The following CLASP1 variants were observed in gnomAD, a reference collection of about 807,000 sequenced individuals.
CLASP1 encodes the protein CLIP-associating protein 1.
In CLASP1, 38 loss-of-function variants were observed where a neutral mutation model predicts 192.3. That is an observed-to-expected ratio of 0.20 (90% CI 0.15 to 0.26). The LOEUF is 0.26. CLASP1 is among the 10% of genes least tolerant of loss of function. The pLI, the probability that CLASP1 is intolerant of heterozygous loss-of-function variation, is 1.00. For missense variants in CLASP1, 1,433 were observed against 1,932.5 expected (o/e 0.74, Z 4.85); for synonymous variants, 691 against 712.8 (o/e 0.97, Z 0.49).
intron 19 of CLASP1, among the ~76,000 whole-genome samples, chr2:121,440,621 G>C (rs1266240603): frequency 1.3e-5 from 2 of 152,212 alleles, no homozygotes; most frequent in African/African-American, 4.8e-5. Flanking sequence ...AGCCTGGCAA[G>C]TCAAGGCGGC....
intron 1 of CLASP1, among the ~76,000 whole-genome samples, chr2:121,630,379 GAAACACACAC>G (rs1224569839): frequency 9.5e-6 from 1 of 105,268 alleles, no homozygotes; most frequent in East Asian, 2.8e-4. Context: ...ATATTGGAAA[GAAACACACAC>G]ACACACACAC....
In CLASP1 at chr2:121,560,891, CA is replaced by C. The variant is rs2059020600; in HGVS notation, c.196-30567del. Among the ~76,000 whole-genome samples the C allele has an allele frequency of 1.3e-5, 2 of 152,152 alleles. 1 individual carries two copies. The highest frequency in any genetic ancestry group is 4.1e-4 in the South Asian group (2 of 4,830). On this transcript the variant is annotated intron_variant, in intron 2 of 39. Coordinates refer to ENST00000263710, the Ensembl canonical transcript of CLASP1. ...CCAGGATTACAGGAGCCTGCCACCA[CA>C]ACTGGCTAATTTTTGTTTTTTTTGT... is the stretch of plus-strand genomic sequence containing the variant.
At chr2:121,523,325 A>T (rs2094498682) in intron 6 of CLASP1, among the ~76,000 whole-genome samples, 1 of 152,240 alleles carries the variant, frequency 6.6e-6, no homozygotes, top group Non-Finnish European at 1.5e-5. Context: ...TTGAAATTTA[A>T]TCTGTGTACT....
chr2:121,355,430 A>C (rs1338752347), intron 37 of CLASP1, among the ~76,000 whole-genome samples: 4 of 152,208 alleles, frequency 2.6e-5, no homozygotes, highest in African/African-American at 9.6e-5. Context: ...CGCCCGGATG[A>C]TCAAATGTAT....
exon 28 of CLASP1, chr2:121,401,568 C>T (rs756356850): frequency 1.2e-6 from 2 of 1,613,436 alleles, no homozygotes; most frequent in Admixed American, 3.3e-5. Context: ...AATCTGCTCC[C>T]ATTTTCTTAA....
chr2:121,434,459 TCTCA>T (rs932150226), intron 19 of CLASP1, among the ~76,000 whole-genome samples: 3 of 151,510 alleles, frequency 2.0e-5, no homozygotes, highest in Admixed American at 1.3e-4. Flanking sequence ...GAGATGGGGG[TCTCA>T]CTATGTTGCC....
intron 20 of CLASP1, among the ~76,000 whole-genome samples, chr2:121,429,281 T>C (rs2080968861): frequency 6.6e-6 from 1 of 152,192 alleles, no homozygotes. Context: ...AAATGTCAGC[T>C]AGTGAGTGCT....
intron 2 of CLASP1, among the ~76,000 whole-genome samples, chr2:121,541,598 T>C (rs548071628): frequency 6.6e-6 from 1 of 152,272 alleles, no homozygotes; most frequent in East Asian, 1.9e-4. Flanking sequence ...AGACCTTCTC[T>C]GCCAATATCG....
At position 121,404,254 on chromosome 2, in the gene CLASP1, ACT is replaced by A. The variant is rs564427377; in HGVS notation, c.2733+115_2733+116del. 80 of 1,477,510 alleles carry A rather than the reference ACT, an allele frequency of 5.4e-5. 4 individuals carry two copies. The South Asian group carries it at 9.5e-4, about 18-fold the overall frequency. 91.5% of individuals were successfully genotyped at this position (1,477,510 alleles called of 1,614,324 possible). A position where few individuals can be genotyped will look rare whatever the true frequency, so the allele number is the denominator to read the frequency against. ...ATACACTAGTGCTGAAACCGGTGTG[ACT>A]CTGTAAGGTCGGAACTGCACTATCG... On this transcript the variant is annotated intron_variant, in intron 26 of 39. Coordinates refer to ENST00000263710, the Ensembl canonical transcript of CLASP1.
chr2:121,349,215 G>C (rs368812291), intron 37 of CLASP1, among the ~76,000 whole-genome samples: 2 of 151,960 alleles, frequency 1.3e-5, no homozygotes, highest in African/African-American at 4.8e-5. Flanking sequence ...ACTCCAGCCT[G>C]GGTGACAGTG....
At chr2:121,345,544 G>C (rs2063342103) in intron 39 of CLASP1, among the ~76,000 whole-genome samples, 1 of 152,156 alleles carries the variant, frequency 6.6e-6, no homozygotes, top group Admixed American at 6.5e-5. Flanking sequence ...TGGTCAGCAG[G>C]AATCACCTAC....
At chr2:121,588,544 T>A (rs763403884) in intron 2 of CLASP1, among the ~76,000 whole-genome samples, 10 of 152,114 alleles carry the variant, frequency 6.6e-5, no homozygotes, top group Non-Finnish European at 1.3e-4. Context: ...CAAAATAAAG[T>A]ACAAACACAG....
intron 1 of CLASP1, among the ~76,000 whole-genome samples, chr2:121,628,295 CCTATT>C (rs2068763950): frequency 1.3e-5 from 2 of 152,126 alleles, no homozygotes; most frequent in Admixed American, 1.3e-4. Context: ...TAAACTTATT[CCTATT>C]CAACATTAAC....
intron 37 of CLASP1, among the ~76,000 whole-genome samples, chr2:121,356,538 G>T (rs976109400): frequency 6.6e-6 from 1 of 152,198 alleles, no homozygotes; most frequent in Non-Finnish European, 1.5e-5. Context: ...CGAGCTTGGG[G>T]TAAATTTCTT....
At chr2:121,370,073 G>GT (rs1453016106) in intron 34 of CLASP1, among the ~76,000 whole-genome samples, 2 of 152,130 alleles carry the variant, frequency 1.3e-5, no homozygotes, top group Non-Finnish European at 2.9e-5. Flanking sequence ...GTAATTGACC[G>GT]TAAGGATGGG....
At chr2:121,480,111 C>T (rs1052116342) in intron 8 of CLASP1, among the ~76,000 whole-genome samples, 4 of 152,116 alleles carry the variant, frequency 2.6e-5, no homozygotes, top group African/African-American at 7.2e-5. Context: ...GTACAGATAA[C>T]GTGAGAAGAG....
At chr2:121,369,518 G>A (rs770843969) in intron 34 of CLASP1, among the ~76,000 whole-genome samples, 1 of 151,794 alleles carries the variant, frequency 6.6e-6, no homozygotes, top group African/African-American at 2.4e-5. Context: ...AAAAGAGAAG[G>A]GTTTTAAAAA....
chr2:121,579,008 A>G (rs1455758457), intron 2 of CLASP1, among the ~76,000 whole-genome samples: 1 of 152,220 alleles, frequency 6.6e-6, no homozygotes, highest in African/African-American at 2.4e-5. Context: ...TTCATTTTAA[A>G]GACAGAATTC....
intron 1 of CLASP1, among the ~76,000 whole-genome samples, chr2:121,648,187 C>T (rs1436644325): frequency 6.6e-6 from 1 of 152,146 alleles, no homozygotes; most frequent in Non-Finnish European, 1.5e-5. Flanking sequence ...GGTCAGTTAC[C>T]GTCGTAAATA....
Sources: gnomAD v4.1 joint callset for allele counts (sites outside exome capture counted in the v4.1 genomes callset) on GRCh38, gnomAD v4.1.1 for gene constraint, MANE v1.5 for transcripts, NCBI Gene and HGNC (gene_info 2026-07-23, HGNC 2026-07-21) for gene names.